APELA: variants seen among roughly 807,000 people sequenced by gnomAD.
The protein encoded by APELA is protein Elabela.
At chr4:164,889,919 C>G (rs532796153) in intron 2 of APELA, among the ~76,000 whole-genome samples, 1 of 152,034 alleles carries the variant, frequency 6.6e-6, no homozygotes, top group Non-Finnish European at 1.5e-5. Flanking sequence ...TTAAAGTATA[C>G]GGAAGGCTAA....
intron 2 of APELA, among the ~76,000 whole-genome samples, chr4:164,881,242 C>G (rs1184245933): frequency 1.3e-5 from 2 of 152,164 alleles, no homozygotes; most frequent in Non-Finnish European, 2.9e-5. Context: ...CCTTTCACTT[C>G]TTCCCCTCTA....
At chr4:164,889,624 C>T (rs1730842233) in intron 2 of APELA, among the ~76,000 whole-genome samples, 1 of 151,614 alleles carries the variant, frequency 6.6e-6, no homozygotes, top group Admixed American at 6.6e-5. Flanking sequence ...CATAGGTAAA[C>T]GTGTGCCATG....
intron 2 of APELA, among the ~76,000 whole-genome samples, chr4:164,892,168 C>T (rs1327806690): frequency 6.6e-6 from 1 of 151,798 alleles, no homozygotes; most frequent in Non-Finnish European, 1.5e-5. Context: ...AATAATTAGC[C>T]AAGCAGGTGT....
chr4:164,897,954 G>A (rs1329032049), downstream of APELA, among the ~76,000 whole-genome samples: 4 of 152,134 alleles, frequency 2.6e-5, no homozygotes, highest in African/African-American at 9.6e-5. Flanking sequence ...TCAGTGGCGT[G>A]CTTCCAGCTC....
chr4:164,897,930 G>T (rs1731004777), downstream of APELA, among the ~76,000 whole-genome samples: 1 of 152,114 alleles, frequency 6.6e-6, no homozygotes, highest in African/African-American at 2.4e-5. Context: ...TCACTCTGTT[G>T]CCCAGGCAGG....
chr4:164,886,126 C>T (rs1247608145), intron 2 of APELA, among the ~76,000 whole-genome samples: 1 of 152,228 alleles, frequency 6.6e-6, no homozygotes, highest in Non-Finnish European at 1.5e-5. Context: ...ATATGAGCTC[C>T]TTGAAGACAA....
At chr4:164,886,151 A>AGCTTAAGGTACAAACCTTT (rs70952667) in intron 2 of APELA, among the ~76,000 whole-genome samples, 81,770 of 152,012 alleles carry the variant, frequency 0.54, 22,376 homozygotes, top group African/African-American at 0.63. Flanking sequence ...TAGCCCCTAA[A>AGCTTAAGGTACAAACCTTT]GCTTAATGTG....
chr4:164,889,532 T>C (rs35329171), intron 2 of APELA, among the ~76,000 whole-genome samples: 11,820 of 152,222 alleles, frequency 0.078, 1,378 homozygotes, highest in African/African-American at 0.26. Context: ...TATTTATTTG[T>C]ACATATGAAA....
chr4:164,892,687 G>T (rs985911067), intron 2 of APELA, among the ~76,000 whole-genome samples: 1 of 152,134 alleles, frequency 6.6e-6, no homozygotes, highest in Non-Finnish European at 1.5e-5. Flanking sequence ...GGGGAAAATT[G>T]ATACTAATTA....
rs1730979902 is a variant in APELA at position 164,896,557 on chromosome 4, G to A, written c.*1143G>A. 6.6e-6 allele frequency: 1 copy of A among 151,940 alleles called. No individual in the cohort carries two copies. Among genetic ancestry groups the A allele is most frequent in the Non-Finnish European group, 1.5e-5 (1 of 68,016 alleles). The allele number at this position is 151,940 out of a possible 1,614,324, so 9.4% of individuals were successfully genotyped here. ...TCCTATTAGGCTTTGTCTTGGTGGT[G>A]TTCATCCTGAGATGCTGAGACATGG... On this transcript the variant is annotated 3_prime_UTR_variant, in exon 3 of 3. Coordinates refer to ENST00000507152, the MANE Select transcript of APELA (RefSeq NM_001297550.2).
chr4:164,885,374 G>GC (rs987504150), intron 2 of APELA, among the ~76,000 whole-genome samples: 6 of 151,706 alleles, frequency 4.0e-5, no homozygotes, highest in African/African-American at 1.2e-4. Context: ...CAAGTGATCT[G>GC]CCCCCCTCGG....
intron 2 of APELA, among the ~76,000 whole-genome samples, chr4:164,884,155 G>GAA (rs1730722253): frequency 1.3e-5 from 2 of 148,744 alleles, no homozygotes; most frequent in African/African-American, 5.1e-5. Context: ...AAGAAAGAAA[G>GAA]AAAGGAGAAG....
chr4:164,889,190 T>G, intron 2 of APELA, among the ~76,000 whole-genome samples: 1 of 151,502 alleles, frequency 6.6e-6, no homozygotes, highest in African/African-American at 2.4e-5. Context: ...GGAGTGGGGA[T>G]GAGGGTGGGG....
At chr4:164,887,861 C>T (rs1579110625) in intron 2 of APELA, among the ~76,000 whole-genome samples, 1 of 152,184 alleles carries the variant, frequency 6.6e-6, no homozygotes, top group Admixed American at 6.5e-5. Context: ...ATCCATCTGC[C>T]TCGGCCTCCC....
intron 2 of APELA, among the ~76,000 whole-genome samples, chr4:164,882,228 C>T (rs1025170886): frequency 3.3e-5 from 5 of 152,020 alleles, no homozygotes; most frequent in Non-Finnish European, 5.9e-5. Flanking sequence ...CTCAGCCTCC[C>T]GAGTAGCTGG....
At chr4:164,886,638 TCC>T (rs1730776083) in intron 2 of APELA, among the ~76,000 whole-genome samples, 2 of 152,014 alleles carry the variant, frequency 1.3e-5, no homozygotes, top group South Asian at 4.2e-4. Flanking sequence ...AGAGTGAGAC[TCC>T]GTCTAAAAAA....
intron 2 of APELA, among the ~76,000 whole-genome samples, chr4:164,880,094 C>T (rs748000733): frequency 6.6e-6 from 1 of 152,198 alleles, no homozygotes; most frequent in Non-Finnish European, 1.5e-5. Context: ...TAAGATATAG[C>T]TTCCTTAAAA....
In APELA at chr4:164,897,432, A is replaced by G. The variant is rs1284242793; in HGVS notation, c.*2018A>G. 2 of 152,254 alleles carry G rather than the reference A, an allele frequency of 1.3e-5. No individual in the cohort carries two copies. The highest frequency in any genetic ancestry group is 2.9e-5 in the Non-Finnish European group (2 of 68,042). The allele number at this position is 152,254 out of a possible 1,614,324, so 9.4% of individuals were successfully genotyped here. ...AACTCTTTCAAATACAAATTCGCAT[A>G]TTCACAGAAAAAGTTACAAATCAGT... On this transcript the variant is annotated 3_prime_UTR_variant, in exon 3 of 3. Transcript: ENST00000507152.
chr4:164,879,549 A>G (rs975721255), intron 2 of APELA, among the ~76,000 whole-genome samples: 6 of 152,016 alleles, frequency 3.9e-5, no homozygotes, highest in Admixed American at 1.3e-4. Flanking sequence ...GGCTCAAGTG[A>G]TCCTCCCACC....
Sources: allele counts gnomAD v4.1 joint callset (sites outside exome capture counted in the v4.1 genomes callset), GRCh38; gene constraint gnomAD v4.1.1; transcripts MANE v1.5; gene names NCBI Gene and HGNC (gene_info 2026-07-23, HGNC 2026-07-21).